Variants in FBH1 observed in about 807,000 individuals in gnomAD.
FBH1 encodes the protein F-box DNA helicase 1.
Under a neutral mutation model 115.5 loss-of-function variants are expected in FBH1, and 43 were observed. The ratio of observed to expected loss-of-function variants is 0.37; its 90% CI spans 0.29 to 0.48. FBH1 has a LOEUF of 0.48. Among genes scored for constraint, FBH1 ranks in the 20% least tolerant of loss-of-function variants. The pLI, the probability that FBH1 is intolerant of heterozygous loss-of-function variation, is 0.99. For synonymous variants in FBH1, 524 were observed against 507.8 expected (o/e 1.03, Z -0.43); for missense variants, 1,001 against 1,337.3 (o/e 0.75, Z 3.92).
At position 5,931,742 on chromosome 10, in the gene FBH1, A is replaced by G. The variant is rs1459098528; in HGVS notation, c.2829+4201A>G. 6.6e-6 allele frequency among the ~76,000 whole-genome samples: 1 copy of G among 152,174 alleles called. No homozygotes were observed. Among genetic ancestry groups the G allele is most frequent in the Non-Finnish European group, 1.5e-5 (1 of 68,036 alleles). On this transcript the variant is annotated intron_variant, in intron 19 of 20. Coordinates refer to ENST00000362091, the MANE Select transcript of FBH1 (RefSeq NM_178150.3). The surrounding 1 kb of genome is among the most constrained non-coding windows in gnomAD (Gnocchi z 4.3). ...CTTTTGTGGTTTTATTACCAACTTA[A>G]TTTGCAGTTAGACATGTAGTTTATT...
chr10:5,913,116 TGAGTCTGAC>T lies in FBH1; in HGVS notation c.1212-619_1212-611del, dbSNP rs1213412654. On this transcript the variant is annotated intron_variant, in intron 6 of 20. Transcript: ENST00000362091. This position sits in a 1 kb window ranked among gnomAD's most constrained non-coding sequence, Gnocchi z 4.4. ...AGGCTTTGGAACGGCGTGTGCCAGC[TGAGTCTGAC>T]GAGTCTGACGATGTCCTGTGCCTCT... 1.5e-4 allele frequency among the ~76,000 whole-genome samples: 23 copies of T among 152,116 alleles called. No homozygotes were observed. Among genetic ancestry groups the T allele is most frequent in the Admixed American group, 1.1e-3 (17 of 15,266 alleles).
chr10:5,910,804 G>GT lies in FBH1; in HGVS notation c.1021-131dup, dbSNP rs1454918720. 1.4e-6 allele frequency: 1 copy of GT among 703,886 alleles called. No individual in the cohort carries two copies. The highest frequency in any genetic ancestry group is 2.3e-6 in the Non-Finnish European group (1 of 435,424). The allele number at this position is 703,886 out of a possible 1,614,324, so 43.6% of individuals were successfully genotyped here. A position where few individuals can be genotyped will look rare whatever the true frequency, so the allele number is the denominator to read the frequency against. On this transcript the variant is annotated intron_variant, in intron 5 of 20. Coordinates refer to ENST00000362091, the MANE Select transcript of FBH1 (RefSeq NM_178150.3). This position sits in a 1 kb window ranked among gnomAD's most constrained non-coding sequence, Gnocchi z 4.8. ...CTGTTTCCCAAATACAACTTGGAAA[G>GT]TTTGGATTCAGTCCAGACAGTCTGT...
At position 5,931,514 on chromosome 10, in the gene FBH1, T is replaced by C. The variant is rs143857300; in HGVS notation, c.2829+3973T>C. Among the ~76,000 whole-genome samples the C allele has an allele frequency of 6.4e-4, 98 of 152,336 alleles. No homozygotes were observed. Among genetic ancestry groups the C allele is most frequent in the African/African-American group, 2.2e-3 (90 of 41,576 alleles). On this transcript the variant is annotated intron_variant, in intron 19 of 20. Transcript: ENST00000362091. The surrounding 1 kb of genome is among the most constrained non-coding windows in gnomAD (Gnocchi z 4.3). ...TTTCTCACACTTGAATCTTTTCTCA[T>C]ACACTGAAATCTTGGTTCCTAATAG... is the stretch of plus-strand genomic sequence containing the variant.
chr10:5,909,869 A>G lies in FBH1; in HGVS notation c.1020+575A>G, dbSNP rs529256207. Among the ~76,000 whole-genome samples, 2 of 152,330 alleles carry G rather than the reference A, an allele frequency of 1.3e-5. No homozygotes were observed. Among genetic ancestry groups the G allele is most frequent in the African/African-American group, 2.4e-5 (1 of 41,582 alleles). ...GCAACTGCATTTCTGTTTCTCTTGA[A>G]GAAGATGATTGCTGATGGTGGTGGA... On this transcript the variant is annotated intron_variant, in intron 5 of 20. Coordinates refer to ENST00000362091, the MANE Select transcript of FBH1 (RefSeq NM_178150.3). This position sits in a 1 kb window ranked among gnomAD's most constrained non-coding sequence, Gnocchi z 4.4.
chr10:5,893,693 T>TA (rs1459981868), intron 1 of FBH1, among the ~76,000 whole-genome samples: 1 of 152,252 alleles, frequency 6.6e-6, no homozygotes, highest in Non-Finnish European at 1.5e-5. Flanking sequence ...ATGTAGTTGT[T>TA]ATATTACTTT....
chr10:5,923,441 A>G lies in FBH1; in HGVS notation c.2323-180A>G, dbSNP rs1444718158. 14 of 568,892 alleles carry G rather than the reference A, an allele frequency of 2.5e-5. No homozygotes were observed. Among genetic ancestry groups the G allele is most frequent in the Non-Finnish European group, 4.4e-5 (14 of 321,640 alleles). The allele number at this position is 568,892 out of a possible 1,614,324, so 35.2% of individuals were successfully genotyped here. A position where few individuals can be genotyped will look rare whatever the true frequency, so the allele number is the denominator to read the frequency against. ...GTGGCAGCCTTGCGCTTTCTGCTTCATGAAGTTTCCTGCTTGCCGCCTGTG... is the reference window on the plus strand; with the variant it reads ...GTGGCAGCCTTGCGCTTTCTGCTTCGTGAAGTTTCCTGCTTGCCGCCTGTG... On this transcript the variant is annotated intron_variant, in intron 15 of 20. Transcript: ENST00000362091. The surrounding 1 kb of genome is among the most constrained non-coding windows in gnomAD (Gnocchi z 5.7).
Position 5,906,247 on chromosome 10 carries a change from G to A in FBH1, c.368G>A (p.Arg123Gln). The change falls in exon 3 of 21, where the codon CGG becomes CAG. Residue 123 changes from arginine to glutamine, a missense_variant. Arg to Gln is a conservative substitution (Grantham distance 43). This residue lies in a region of FBH1 where 420 missense variants were observed against 430.4 expected (regional missense o/e 0.98). Transcript: ENST00000362091. The surrounding 1 kb of genome is among the most constrained non-coding windows in gnomAD (Gnocchi z 7.3). ...SPGSAPPSRK[R>Q]SWSSEEESNQ... is the part of the protein sequence containing the mutation. ...GGGTCTGCCCCGCCCTCCAGGAAGC[G>A]GTCTTGGTCCTCTGAGGAAGAGAGT... 6.2e-7 allele frequency: 1 copy of A among 1,614,226 alleles called. No homozygotes were observed. The highest frequency in any genetic ancestry group is 8.5e-7 in the Non-Finnish European group (1 of 1,180,034).
chr10:5,892,538 A>G (rs1842791686), intron 1 of FBH1, among the ~76,000 whole-genome samples: 2 of 152,202 alleles, frequency 1.3e-5, no homozygotes, highest in Admixed American at 6.5e-5. Context: ...CTCAAATCTT[A>G]TATCTGTAAC....
intron 1 of FBH1, among the ~76,000 whole-genome samples, chr10:5,892,236 T>C (rs1223071988): frequency 1.3e-5 from 2 of 152,236 alleles, no homozygotes; most frequent in Non-Finnish European, 2.9e-5. Flanking sequence ...GTAGTCGTCA[T>C]TGGCACCGAC....
At chr10:5,919,276 A>C (rs957870823) in intron 13 of FBH1, among the ~76,000 whole-genome samples, 1 of 152,238 alleles carries the variant, frequency 6.6e-6, no homozygotes, top group African/African-American at 2.4e-5. Flanking sequence ...ACTTGAGGTC[A>C]GGAGTTCAAG....
At position 5,924,984 on chromosome 10, in the gene FBH1, C is replaced by T. The variant is rs1832553010; in HGVS notation, c.2597-383C>T. Among the ~76,000 whole-genome samples, 2 of 152,172 alleles carry T rather than the reference C, an allele frequency of 1.3e-5. No homozygotes were observed. Among genetic ancestry groups the T allele is most frequent in the South Asian group, 4.1e-4 (2 of 4,828 alleles). On this transcript the variant is annotated intron_variant, in intron 17 of 20. Coordinates refer to ENST00000362091, the MANE Select transcript of FBH1 (RefSeq NM_178150.3). This position sits in a 1 kb window ranked among gnomAD's most constrained non-coding sequence, Gnocchi z 6.2. ...GGGGCTCTTTATTCTGTTCTACTTTCAAGCCCGTACAATGGGATTTTCTAG... is the reference window on the plus strand; with the variant it reads ...GGGGCTCTTTATTCTGTTCTACTTTTAAGCCCGTACAATGGGATTTTCTAG...
chr10:5,936,363 A>G lies in FBH1; in HGVS notation c.2830-93A>G, dbSNP rs1833352680. On this transcript the variant is annotated intron_variant, in intron 19 of 20. Coordinates refer to ENST00000362091, the MANE Select transcript of FBH1 (RefSeq NM_178150.3). This position sits in a 1 kb window ranked among gnomAD's most constrained non-coding sequence, Gnocchi z 5.6. ...TCTCTCTGGGACTTACAGTGCATCT[A>G]AAGGGTTCTCACAGAGCCGCCGCTA... The G allele has an allele frequency of 1.4e-6, 2 of 1,457,488 alleles. No homozygotes were observed. The highest frequency in any genetic ancestry group is 2.8e-5 in the African/African-American group (2 of 71,750). The allele number at this position is 1,457,488 out of a possible 1,614,324, so 90.3% of individuals were successfully genotyped here.
chr10:5,916,198 G>C, intron 9 of FBH1, 36 bp from the exon 10 acceptor site: 8 of 1,580,162 alleles, frequency 5.1e-6, no homozygotes, highest in Non-Finnish European at 6.1e-6. Context: ...CAAGCCAGGA[G>C]AGCCACGTGC....
upstream of FBH1, chr10:5,889,642 A>T (rs1172345534): frequency 5.2e-6 from 1 of 194,002 alleles, no homozygotes; most frequent in Non-Finnish European, 1.0e-5. Flanking sequence ...TCAGGGACGG[A>T]GCGGTCCGGG....
rs150757481 is a variant in FBH1 at position 5,915,482 on chromosome 10, G to C, written c.1476G>C (p.Lys492Asn). 4 of 1,614,092 alleles carry C rather than the reference G, an allele frequency of 2.5e-6. No homozygotes were observed. The African/African-American group carries it at 5.3e-5, about 22-fold the overall frequency. Residue 492 changes from lysine (K) to asparagine (N), a missense_variant, in exon 9 of 21, where the codon AAG becomes AAC. Physicochemically the swap from Lys to Asn is moderately conservative, Grantham distance 94 (BLOSUM62 0). This residue lies in a region of FBH1 where 521 missense variants were observed against 811.0 expected (regional missense o/e 0.64). Coordinates refer to ENST00000362091, the MANE Select transcript of FBH1 (RefSeq NM_178150.3). This position sits in a 1 kb window ranked among gnomAD's most constrained non-coding sequence, Gnocchi z 5.2. Reference protein sequence around the residue: ...QSRFLYVTFNKSIAKQAERVF... With the variant: ...QSRFLYVTFNNSIAKQAERVF... ...GGTTTCTGTATGTGACATTCAACAAGAGCATCGCAAAGCAGGCCGAACGCG... is the reference window on the plus strand; with the variant it reads ...GGTTTCTGTATGTGACATTCAACAACAGCATCGCAAAGCAGGCCGAACGCG...
chr10:5,910,911 C>T lies in FBH1; in HGVS notation c.1021-27C>T, dbSNP rs45595531. The T allele has an allele frequency of 0.017, 27,105 of 1,592,390 alleles. 317 individuals are homozygous for T. The highest frequency in any genetic ancestry group is 0.021 in the Non-Finnish European group (24,098 of 1,171,176). On this transcript the variant is annotated intron_variant, in intron 5 of 20. Transcript: ENST00000362091. This position sits in a 1 kb window ranked among gnomAD's most constrained non-coding sequence, Gnocchi z 4.8. Reference sequence around the variant, plus strand: ...ATTAACCATGGCCTGTGGGCTGTCCCTCCCTCCCTGTGCACCTGGCTTGCA... The same window carrying T: ...ATTAACCATGGCCTGTGGGCTGTCCTTCCCTCCCTGTGCACCTGGCTTGCA...
At position 5,911,015 on chromosome 10, in the gene FBH1, C is replaced by T. The variant is rs1455523246; in HGVS notation, c.1098C>T (p.Phe366=). ...SSVNDIQRLL[F]CLRRPSSTVT... ...TGAATGACATCCAGCGACTGCTCTT[C>T]TGCCTCCGGAGACCCAGCTCCACGG... Residue 366 remains phenylalanine (F), a synonymous_variant, in exon 6 of 21, where the codon TTC becomes TTT. Coordinates refer to ENST00000362091, the MANE Select transcript of FBH1 (RefSeq NM_178150.3). This position sits in a 1 kb window ranked among gnomAD's most constrained non-coding sequence, Gnocchi z 5.4. 10 of 1,612,880 alleles carry T rather than the reference C, an allele frequency of 6.2e-6. No individual in the cohort carries two copies. The Admixed American group carries it at 1.7e-4, about 27-fold the overall frequency.
At chr10:5,922,654 T>A (rs1832381091) in intron 15 of FBH1, among the ~76,000 whole-genome samples, 1 of 152,198 alleles carries the variant, frequency 6.6e-6, no homozygotes, top group Admixed American at 6.6e-5. Context: ...TTGCCCGCTG[T>A]TTTATGTGAG....
rs1020383629 is a variant in FBH1 at position 5,906,546 on chromosome 10, G to A, written c.667G>A (p.Val223Met). 1.9e-6 allele frequency: 3 copies of A among 1,614,092 alleles called. No individual in the cohort carries two copies. Among genetic ancestry groups the A allele is most frequent in the Non-Finnish European group, 2.5e-6 (3 of 1,180,010 alleles). Residue 223 changes from valine (V) to methionine (M), a missense_variant, in exon 3 of 21, where the codon GTG becomes ATG. By Grantham distance (21) the Val-to-Met change is conservative (BLOSUM62 1). Coordinates refer to ENST00000362091, the MANE Select transcript of FBH1 (RefSeq NM_178150.3). This position sits in a 1 kb window ranked among gnomAD's most constrained non-coding sequence, Gnocchi z 7.3. Reference sequence around the variant, plus strand: ...CCTGCCTAGTGAGGTCCTGAGGCACGTGTTTGCCTTCCTCCCGGTGGAAGA... The same window carrying A: ...CCTGCCTAGTGAGGTCCTGAGGCACATGTTTGCCTTCCTCCCGGTGGAAGA... ...CSLPSEVLRH[V>M]FAFLPVEDLY...
Sources: gnomAD v4.1 joint callset for allele counts (sites outside exome capture counted in the v4.1 genomes callset) on GRCh38, gnomAD v4.1.1 for gene constraint, gnomAD v4.1.1 regional missense constraint, Gnocchi (gnomAD v3.1) non-coding constraint, MANE v1.5 for transcripts, NCBI Gene and HGNC (gene_info 2026-07-23, HGNC 2026-07-21) for gene names.